CHL1: variants seen among roughly 807,000 people sequenced by gnomAD.
CHL1 encodes neural cell adhesion molecule L1-like protein.
In CHL1, 96 loss-of-function variants were observed where a neutral mutation model predicts 141.9. That is an observed-to-expected ratio of 0.68 (90% CI 0.57 to 0.80). The LOEUF is 0.80. Ranked by LOEUF, CHL1 falls within the 30% of genes least tolerant of loss-of-function variation. The probability of loss-of-function intolerance (pLI) is 0.00; values close to 1 mark genes in which losing one functional copy is unlikely to be tolerated. For synonymous variants in CHL1, 613 were observed against 502.2 expected (o/e 1.22, Z -2.95); for missense variants, 1,820 against 1,457.2 (o/e 1.25, Z -4.05).
chr3:199,491 G>A (rs540900048), intron 1 of CHL1, among the ~76,000 whole-genome samples: 4 of 152,192 alleles, frequency 2.6e-5, no homozygotes, highest in African/African-American at 9.7e-5. Context: ...TAAGTACACT[G>A]TACACTTCGT....
chr3:269,465 A>C (rs1028526677), intron 2 of CHL1, among the ~76,000 whole-genome samples: 1 of 152,160 alleles, frequency 6.6e-6, no homozygotes, highest in African/African-American at 2.4e-5. Flanking sequence ...GAGCACCTAC[A>C]TTCTCGCCTT....
At chr3:295,258 A>C (rs1698083005) in intron 2 of CHL1, among the ~76,000 whole-genome samples, 1 of 152,216 alleles carries the variant, frequency 6.6e-6, no homozygotes, top group Non-Finnish European at 1.5e-5. Flanking sequence ...TTTTCTTTAC[A>C]CGAACAGTCA....
chr3:394,619 G>A, intron 23 of CHL1, 74 bp from the exon 24 acceptor site: 1 of 1,071,574 alleles, frequency 9.3e-7, no homozygotes, highest in South Asian at 1.5e-5. Flanking sequence ...AGCATAAGGA[G>A]AAATGAAAAT....
intron 9 of CHL1, among the ~76,000 whole-genome samples, chr3:348,862 G>T (rs1265456291): frequency 6.6e-6 from 1 of 152,172 alleles, no homozygotes; most frequent in Non-Finnish European, 1.5e-5. Context: ...TCACGCAGGA[G>T]CCCCATTCTC....
chr3:255,257 A>T (rs932615833), intron 2 of CHL1, among the ~76,000 whole-genome samples: 12 of 152,212 alleles, frequency 7.9e-5, no homozygotes, highest in African/African-American at 2.9e-4. Flanking sequence ...TTGTAGTTAA[A>T]AAGTCTCTTT....
Position 222,918 on chromosome 3 carries a change from T to C in CHL1, c.-174-21695T>C, listed in dbSNP as rs144263003. Among the ~76,000 whole-genome samples, 26 of 152,294 alleles carry C rather than the reference T, an allele frequency of 1.7e-4. No homozygotes were observed. The East Asian group carries it at 5.0e-3, about 29-fold the overall frequency. On this transcript the variant is annotated intron_variant, in intron 1 of 27. Transcript: ENST00000256509. ...TCCTTCATTTTTATAGCCAGCAGTATAGCATCTTCCAATTTTCCTTTCTTT... is the reference window on the plus strand; with the variant it reads ...TCCTTCATTTTTATAGCCAGCAGTACAGCATCTTCCAATTTTCCTTTCTTT...
At chr3:322,644 A>ATT (rs1338261073) in intron 3 of CHL1, among the ~76,000 whole-genome samples, 3 of 82,684 alleles carry the variant, frequency 3.6e-5, no homozygotes, top group African/African-American at 3.0e-4. Flanking sequence ...TATATATATA[A>ATT]AATATATATA....
chr3:349,293 A>C, intron 9 of CHL1, 66 bp from the exon 10 acceptor site: 3 of 1,365,390 alleles, frequency 2.2e-6, no homozygotes, highest in Admixed American at 2.1e-5. Context: ...ATGTGTCCTA[A>C]GGTTTTCTTT....
At position 319,065 on chromosome 3, in the gene CHL1, C is replaced by T. The variant is rs575792299; in HGVS notation, c.-94-618C>T. On this transcript the variant is annotated intron_variant, in intron 2 of 27. Coordinates refer to ENST00000256509, the MANE Select transcript of CHL1 (RefSeq NM_006614.4). ...AGCAAATTAACTCAGGACCAGAAAA[C>T]CAAATACCACATGTTCTCATTTAGA... is the stretch of plus-strand genomic sequence containing the variant. Among the ~76,000 whole-genome samples, 6 of 150,624 alleles carry T rather than the reference C, an allele frequency of 4.0e-5. No homozygotes were observed. In the East Asian group the frequency reaches 7.8e-4, roughly 20 times the overall value.
intron 19 of CHL1, among the ~76,000 whole-genome samples, chr3:387,143 C>G (rs867685311): frequency 6.6e-6 from 1 of 152,166 alleles, no homozygotes; most frequent in Admixed American, 6.5e-5. Context: ...CTCTTTGAAA[C>G]TATGTTGGAC....
chr3:323,758 G>A (rs28433560), intron 3 of CHL1, among the ~76,000 whole-genome samples: 5,444 of 152,134 alleles, frequency 0.036, 339 homozygotes, highest in African/African-American at 0.12. Context: ...CTAGCCACTC[G>A]AAAGGCTGAG....
chr3:359,685 G>A (rs1397024717), intron 11 of CHL1, among the ~76,000 whole-genome samples: 4 of 152,170 alleles, frequency 2.6e-5, no homozygotes, highest in African/African-American at 9.7e-5. Flanking sequence ...TTGCCCCAAA[G>A]TAGAAAATCT....
intron 2 of CHL1, among the ~76,000 whole-genome samples, chr3:251,304 T>C (rs1447816161): frequency 6.6e-6 from 1 of 152,140 alleles, no homozygotes; most frequent in Non-Finnish European, 1.5e-5. Flanking sequence ...GTGCTGTAGA[T>C]AATGCACTGA....
At chr3:390,601 G>C (rs1708138761) in intron 20 of CHL1, 100 bp from the exon 21 acceptor site, 2 of 680,516 alleles carry the variant, frequency 2.9e-6, no homozygotes, top group Non-Finnish European at 5.1e-6. Context: ...TTTCACAAAA[G>C]TGCTTTCTCC....
chr3:247,911 T>C (rs1049141530), intron 2 of CHL1: 2 of 152,122 alleles, frequency 1.3e-5, no homozygotes, highest in Non-Finnish European at 2.9e-5. Context: ...TTTTTTTTTC[T>C]TTCCCATGAT....
chr3:248,900 A>T (rs1303486098), intron 2 of CHL1, among the ~76,000 whole-genome samples: 3 of 152,222 alleles, frequency 2.0e-5, no homozygotes, highest in African/African-American at 7.2e-5. Flanking sequence ...AAGTAGCAAC[A>T]TGACAGACTG....
chr3:401,481 A>G (rs966207822), intron 26 of CHL1, 145 bp from the exon 27 acceptor site: 4 of 570,530 alleles, frequency 7.0e-6, no homozygotes, highest in Non-Finnish European at 1.2e-5. Context: ...GGCTGTAGGT[A>G]TAGCCAGAAA....
intron 2 of CHL1, among the ~76,000 whole-genome samples, chr3:317,778 C>G (rs916731473): frequency 1.3e-5 from 2 of 151,706 alleles, no homozygotes; most frequent in Admixed American, 1.3e-4. Context: ...ATACGTAGGA[C>G]TCACCTTTTG....
intron 1 of CHL1, among the ~76,000 whole-genome samples, chr3:198,833 C>T (rs1289884333): frequency 1.3e-5 from 2 of 152,182 alleles, no homozygotes; most frequent in Non-Finnish European, 2.9e-5. Context: ...ATTTGTACTG[C>T]ACAGTCCAAC....
Sources: allele counts gnomAD v4.1 joint callset (sites outside exome capture counted in the v4.1 genomes callset), GRCh38; gene constraint gnomAD v4.1.1; transcripts MANE v1.5; gene names NCBI Gene and HGNC (gene_info 2026-07-23, HGNC 2026-07-21).